The following PLPP5 variants were observed in gnomAD, a reference collection of about 807,000 sequenced individuals.
PLPP5 encodes phospholipid phosphatase 5.
In PLPP5, 29 loss-of-function variants were observed where a neutral mutation model predicts 23.6. The observed-to-expected ratio is 1.23, with a 90% CI of 0.92 to 1.68. PLPP5 has a LOEUF of 1.68. Among genes scored for constraint, PLPP5 ranks in the 40% most tolerant of loss-of-function variants. PLPP5 has a pLI of 0.00. For synonymous variants in PLPP5, 143 were observed against 131.3 expected, an observed-to-expected ratio of 1.09 and a Z score of -0.61; for missense variants, 315 against 332.1, an observed-to-expected ratio of 0.95 and a Z score of 0.40.
intron 6 of PLPP5, chr8:38,264,968 T>C: frequency 6.4e-7 from 1 of 1,570,524 alleles, no homozygotes; most frequent in South Asian, 1.1e-5. Context: ...AGGAATAAAG[T>C]ATTTTAAGAG....
Position 38,263,687 on chromosome 8 carries a change from G to GT in PLPP5, c.*756dup. The GT allele has an allele frequency of 1.0e-6, 1 of 985,246 alleles. No homozygotes were observed. Among genetic ancestry groups the GT allele is most frequent in the Non-Finnish European group, 1.2e-6 (1 of 829,796 alleles). 61.0% of individuals were successfully genotyped at this position (985,246 alleles called of 1,614,324 possible). ...CTTGATGGAATTGTCATCAGAGAAG[G>GT]TAAACAGAATCAAAGTAATTTAGTT... is the stretch of plus-strand genomic sequence containing the variant. On this transcript the variant is annotated 3_prime_UTR_variant, in exon 7 of 7. Transcript: ENST00000424479.
intron 6 of PLPP5, chr8:38,264,883 A>G (rs1483498201): frequency 2.5e-6 from 4 of 1,611,654 alleles, no homozygotes; most frequent in African/African-American, 1.3e-5. Flanking sequence ...GAATTTTTCT[A>G]ACTCAGAAGA....
In PLPP5 at chr8:38,263,994, G is replaced by A; in HGVS notation, c.*450C>T. Reference sequence around the variant, plus strand: ...AACCGTAACTCCTCAAGATAGATGAGCAGGGGCAAAAGTGTGTAATCATTT... The same window carrying A: ...AACCGTAACTCCTCAAGATAGATGAACAGGGGCAAAAGTGTGTAATCATTT... On this transcript the variant is annotated 3_prime_UTR_variant, in exon 7 of 7. Coordinates refer to ENST00000424479, the MANE Select transcript of PLPP5 (RefSeq NM_001102559.2). The A allele has an allele frequency of 2.0e-6, 2 of 986,010 alleles. No individual in the cohort carries two copies. Among genetic ancestry groups the A allele is most frequent in the South Asian group, 9.4e-5 (2 of 21,314 alleles). 61.1% of individuals were successfully genotyped at this position (986,010 alleles called of 1,614,324 possible). A position where few individuals can be genotyped will look rare whatever the true frequency, so the allele number is the denominator to read the frequency against.
chr8:38,266,588 T>C (rs1280295396), intron 5 of PLPP5: 5 of 289,878 alleles, frequency 1.7e-5, no homozygotes, highest in Non-Finnish European at 3.3e-5. Flanking sequence ...TTTAGTAGAG[T>C]TGGGATTTCA....
At chr8:38,264,640 T>G in intron 6 of PLPP5, 36 bp from the exon 7 acceptor site, 1 of 1,549,944 alleles carries the variant, frequency 6.5e-7, no homozygotes, top group South Asian at 1.2e-5. Context: ...CTCTTAATAT[T>G]AGGCTCCTAA....
rs1563330815 is a variant in PLPP5, at chr8:38,268,475, TCAGAGGTTAAAAACAATC to T, written c.184-32_184-15del. 1.3e-6 allele frequency: 2 copies of T among 1,559,702 alleles called. No homozygotes were observed. The highest frequency in any genetic ancestry group is 8.7e-7 in the Non-Finnish European group (1 of 1,151,652). ...AAATGCAATAACCTGAATCAGAATG[TCAGAGGTTAAAAACAATC>T]CAAAAAAAAGCCACACTCGTGCTCC... On this transcript the variant is annotated splice_polypyrimidine_tract_variant and intron_variant, in intron 2 of 6. Coordinates refer to ENST00000424479, the MANE Select transcript of PLPP5 (RefSeq NM_001102559.2).
At position 38,264,472 on chromosome 8, in the gene PLPP5, G is replaced by A; in HGVS notation, c.767C>T (p.Pro256Leu). The A allele has an allele frequency of 6.4e-7, 1 of 1,551,016 alleles. No individual in the cohort carries two copies. The highest frequency in any genetic ancestry group is 8.7e-7 in the Non-Finnish European group (1 of 1,146,984). The change falls in exon 7 of 7, where the codon CCT becomes CTT. Residue 256 changes from proline to leucine, a missense_variant. Coordinates refer to ENST00000424479, the MANE Select transcript of PLPP5 (RefSeq NM_001102559.2). Reference sequence around the variant, plus strand: ...AATATCAAAACAATAAGAATCCCCAGGCTTCTGTGCAGTGGAAAGTACAAG... The same window carrying A: ...AATATCAAAACAATAAGAATCCCCAAGCTTCTGTGCAGTGGAAAGTACAAG... ...DKLVLSTAQKPGDSYCFDI is the reference protein window; with the variant it reads ...DKLVLSTAQKLGDSYCFDI
At chr8:38,265,432 T>G (rs1408232360) in intron 6 of PLPP5, 1 of 151,708 alleles carries the variant, frequency 6.6e-6, no homozygotes, top group Admixed American at 6.6e-5. Flanking sequence ...TAGCTGGGAT[T>G]AAAGGCGTGT....
Position 38,268,959 on chromosome 8 carries a change from G to A in PLPP5, c.106C>T (p.Leu36Phe). 1.3e-6 allele frequency: 2 copies of A among 1,567,864 alleles called. No individual in the cohort carries two copies. The highest frequency in any genetic ancestry group is 2.3e-5 in the South Asian group (2 of 86,582). Reference sequence around the variant, plus strand: ...AGCCACATCTCCTCCGGCTGGATGAGTCTCTGGAACGGGGGGAGCAGCTCC... The same window carrying A: ...AGCCACATCTCCTCCGGCTGGATGAATCTCTGGAACGGGGGGAGCAGCTCC... ...VTELLPPFQR[L>F]IQPEEMWLYR... The change falls in exon 2 of 7, where the codon CTC becomes TTC. Residue 36 changes from leucine (L) to phenylalanine (F), a missense_variant. By Grantham distance (22) the Leu-to-Phe change is conservative (BLOSUM62 0). Transcript: ENST00000424479.
chr8:38,267,415 A>G, intron 4 of PLPP5, 24 bp from the exon 5 acceptor site: 1 of 1,606,166 alleles, frequency 6.2e-7, no homozygotes, highest in Non-Finnish European at 8.5e-7. Flanking sequence ...GCATGGTTGG[A>G]ACGTAAATCA....
intron 3 of PLPP5, 181 bp downstream of exon 3, chr8:38,268,190 G>T: frequency 8.8e-7 from 1 of 1,140,194 alleles, no homozygotes; most frequent in Non-Finnish European, 1.2e-6. Context: ...GCACAGGGCT[G>T]CCTGCCGTGT....
intron 2 of PLPP5, 60 bp downstream of exon 2, chr8:38,268,822 C>G: frequency 6.8e-7 from 1 of 1,467,594 alleles, no homozygotes; most frequent in Non-Finnish European, 9.0e-7. Context: ...GGAAAACGCA[C>G]AGGTGCCCGC....
chr8:38,265,111 C>G, intron 6 of PLPP5: 3 of 593,306 alleles, frequency 5.1e-6, no homozygotes, highest in Admixed American at 3.0e-5. Context: ...ACTAAAAATA[C>G]AAAAATTAGC....
At chr8:38,264,987 C>T (rs72644712) in intron 6 of PLPP5, 15 of 1,448,654 alleles carry the variant, frequency 1.0e-5, no homozygotes, top group Middle Eastern at 3.5e-4. Context: ...AGTTGCTTCT[C>T]GCCGGGCACG....
chr8:38,269,216 A>C lies in PLPP5; in HGVS notation c.-17T>G, dbSNP rs755961515. On this transcript the variant is annotated 5_prime_UTR_variant, in exon 1 of 7. Coordinates refer to ENST00000424479, the MANE Select transcript of PLPP5 (RefSeq NM_001102559.2). ...CTTCCCCATCCGGCCGCGAGCTCCG[A>C]GCGACGCTGCGCTGACGTGGCCACC... 77 of 1,494,236 alleles carry C rather than the reference A, an allele frequency of 5.2e-5. No homozygotes were observed. In the Admixed American group the frequency reaches 1.0e-3, roughly 20 times the overall value. The allele number at this position is 1,494,236 out of a possible 1,614,324, so 92.6% of individuals were successfully genotyped here.
Position 38,264,361 on chromosome 8 carries a change from G to T in PLPP5, c.*83C>A. The T allele has an allele frequency of 8.7e-7, 1 of 1,146,884 alleles. No homozygotes were observed. The highest frequency in any genetic ancestry group is 1.7e-5 in the South Asian group (1 of 59,632). The allele number at this position is 1,146,884 out of a possible 1,614,324, so 71.0% of individuals were successfully genotyped here. A position where few individuals can be genotyped will look rare whatever the true frequency, so the allele number is the denominator to read the frequency against. On this transcript the variant is annotated 3_prime_UTR_variant, in exon 7 of 7. Coordinates refer to ENST00000424479, the MANE Select transcript of PLPP5 (RefSeq NM_001102559.2). ...TCACCATGTTGGCCAGGCTGGTCCT[G>T]ACCTCAGGTGATCCACCCTCCTCAG...
In PLPP5 at chr8:38,269,141, A is replaced by G. The variant is rs1808283062; in HGVS notation, c.59T>C (p.Leu20Pro). The G allele has an allele frequency of 4.0e-6, 6 of 1,517,786 alleles. No homozygotes were observed. In the East Asian group the frequency reaches 1.6e-4, roughly 40 times the overall value. 94.0% of individuals were successfully genotyped at this position (1,517,786 alleles called of 1,614,324 possible). Residue 20 changes from leucine (L) to proline (P), a missense_variant, in exon 1 of 7, where the codon CTG becomes CCG. By Grantham distance (98) the Leu-to-Pro change is moderately conservative (BLOSUM62 -3). Transcript: ENST00000424479. Reference sequence around the variant, plus strand: ...TCTTTCTTACAGGAAGGCCGCGAACAGCGCGAGCCGCACGCCCACTTCGGC... The same window carrying G: ...TCTTTCTTACAGGAAGGCCGCGAACGGCGCGAGCCGCACGCCCACTTCGGC... Reference protein sequence around the residue: ...FGAEVGVRLALFAAFLVTELL... With the variant: ...FGAEVGVRLAPFAAFLVTELL...
Position 38,268,992 on chromosome 8 carries a change from T to C in PLPP5, c.75-2A>G. On this transcript the variant is annotated splice_acceptor_variant, in intron 1 of 6. Coordinates refer to ENST00000424479, the MANE Select transcript of PLPP5 (RefSeq NM_001102559.2). LOFTEE classifies it high-confidence loss of function. ...AACGGGGGGAGCAGCTCCGTCACCC[T>C]AGAGGGGAACAAAGAAGCGCAGAGC... is the stretch of plus-strand genomic sequence containing the variant. The C allele has an allele frequency of 6.3e-7, 1 of 1,580,088 alleles. No homozygotes were observed. Among genetic ancestry groups the C allele is most frequent in the Non-Finnish European group, 8.6e-7 (1 of 1,167,322 alleles).
Position 38,264,466 on chromosome 8 carries a change from T to G in PLPP5, c.773A>C (p.Asp258Ala), listed in dbSNP as rs762432644. The G allele has an allele frequency of 2.1e-5, 32 of 1,549,594 alleles. No homozygotes were observed. The highest frequency in any genetic ancestry group is 6.0e-5 in the South Asian group (5 of 83,804). ...TTTTTAAATATCAAAACAATAAGAATCCCCAGGCTTCTGTGCAGTGGAAAG... is the reference window on the plus strand; with the variant it reads ...TTTTTAAATATCAAAACAATAAGAAGCCCCAGGCTTCTGTGCAGTGGAAAG... ...LVLSTAQKPG[D>A]SYCFDI is the part of the protein sequence containing the mutation. Residue 258 changes from aspartate (D) to alanine (A), a missense_variant, in exon 7 of 7, where the codon GAT becomes GCT. Transcript: ENST00000424479.
Sources: gnomAD v4.1 joint callset for allele counts on GRCh38, gnomAD v4.1.1 for gene constraint, MANE v1.5 for transcripts, NCBI Gene and HGNC (gene_info 2026-07-23, HGNC 2026-07-21) for gene names.